GLI2: variants seen among roughly 807,000 people sequenced by gnomAD.
GLI2 encodes transcription activator GLI2.
Under a neutral mutation model 78.9 loss-of-function variants are expected in GLI2, and 22 were observed. The observed-to-expected ratio is 0.28, with a 90% CI of 0.20 to 0.40. The LOEUF is 0.40. Ranked by LOEUF, GLI2 falls within the 10% of genes least tolerant of loss-of-function variation. The pLI, the probability that GLI2 is intolerant of heterozygous loss-of-function variation, is 1.00. For missense variants in GLI2, 2,097 were observed against 2,213.2 expected (o/e 0.95, Z 1.05); for synonymous variants, 974 against 963.7 (o/e 1.01, Z -0.20).
In GLI2 at chr2:120,968,743, C is replaced by G. The variant is rs765114744; in HGVS notation, c.673C>G (p.Pro225Ala). ...VSRFSSPRVT[P>A]RLSRKRALSI... ...CCGTTTCTCCAGCCCGCGGGTGACG[C>G]CCCGCCTGAGCCGCAAGCGGGCGCT... is the stretch of plus-strand genomic sequence containing the variant. Residue 225 changes from proline to alanine, a missense_variant, in exon 6 of 14, where the codon CCC becomes GCC. By Grantham distance (27) the Pro-to-Ala change is conservative (BLOSUM62 -1). Transcript: ENST00000361492. The G allele has an allele frequency of 2.5e-6, 4 of 1,613,576 alleles. No individual in the cohort carries two copies. In the Admixed American group the frequency reaches 6.7e-5, roughly 27 times the overall value.
chr2:120,986,006 G>C (rs754904614), intron 12 of GLI2, among the ~76,000 whole-genome samples: 1 of 152,238 alleles, frequency 6.6e-6, no homozygotes, highest in African/African-American at 2.4e-5. Context: ...TGCACGCTGC[G>C]TGCTGTCCAC....
chr2:120,951,496 C>A, intron 4 of GLI2, 51 bp downstream of exon 4: 1 of 1,187,856 alleles, frequency 8.4e-7, no homozygotes, highest in Non-Finnish European at 1.2e-6. Context: ...TGGGGCAGGG[C>A]GCAGCCAGCC....
intron 1 of GLI2, among the ~76,000 whole-genome samples, chr2:120,793,849 G>A (rs906827088): frequency 2.0e-5 from 3 of 152,168 alleles, no homozygotes; most frequent in Non-Finnish European, 4.4e-5. Context: ...ATTTTGGCTG[G>A]AGGATCTGAC....
At position 120,812,869 on chromosome 2, in the gene GLI2, A is replaced by G. The variant is rs535086229; in HGVS notation, c.148+15401A>G. Among the ~76,000 whole-genome samples the G allele has an allele frequency of 5.9e-5, 9 of 152,176 alleles. No individual in the cohort carries two copies. The South Asian group carries it at 1.7e-3, about 28-fold the overall frequency. ...GTGTGAGCTCTGTTCTCCCTCTTCC[A>G]CATGGGGGATGCTTCACAGCAGTGA... On this transcript the variant is annotated intron_variant, in intron 2 of 13. Transcript: ENST00000361492.
intron 1 of GLI2, among the ~76,000 whole-genome samples, chr2:120,754,522 A>T (rs983816362): frequency 4.6e-5 from 7 of 151,916 alleles, no homozygotes; most frequent in African/African-American, 1.7e-4. Flanking sequence ...ACCATACAGG[A>T]TGTCCTCATT....
intron 12 of GLI2, among the ~76,000 whole-genome samples, 155 bp from the exon 13 acceptor site, chr2:120,986,123 T>C (rs1682958172): frequency 6.6e-6 from 1 of 152,244 alleles, no homozygotes; most frequent in South Asian, 2.1e-4. Context: ...AACAGACTCA[T>C]GACGCTTTAC....
intron 9 of GLI2, among the ~76,000 whole-genome samples, chr2:120,976,816 C>CTCTG (rs1230344376): frequency 6.6e-6 from 1 of 152,342 alleles, no homozygotes; most frequent in Admixed American, 6.5e-5. Flanking sequence ...CTTCACCCAG[C>CTCTG]TCTGTCTGTC....
chr2:120,921,697 T>G (rs1374894110), intron 2 of GLI2, among the ~76,000 whole-genome samples: 1 of 152,180 alleles, frequency 6.6e-6, no homozygotes, highest in Admixed American at 6.5e-5. Context: ...TGGACCCTCC[T>G]TGTACAGCAT....
At chr2:120,960,721 GCTAGAGAGGCCT>G (rs971469182) in intron 5 of GLI2, among the ~76,000 whole-genome samples, 46 of 152,344 alleles carry the variant, frequency 3.0e-4, no homozygotes, top group African/African-American at 1.1e-3. Context: ...AAGGCCAGAA[GCTAGAGAGGCCT>G]CTACGGGGCT....
intron 2 of GLI2, among the ~76,000 whole-genome samples, chr2:120,846,429 C>A (rs1221869759): frequency 1.3e-5 from 2 of 152,234 alleles, no homozygotes; most frequent in Non-Finnish European, 1.5e-5. Context: ...AGAGCAAGCT[C>A]TCTAAGGGGG....
At chr2:120,868,396 T>C (rs934201087) in intron 2 of GLI2, among the ~76,000 whole-genome samples, 3 of 152,252 alleles carry the variant, frequency 2.0e-5, no homozygotes, top group Non-Finnish European at 2.9e-5. Flanking sequence ...TATTTCATCG[T>C]CTTTTTTCTT....
intron 2 of GLI2, among the ~76,000 whole-genome samples, chr2:120,862,339 C>T (rs1429731639): frequency 6.6e-6 from 1 of 152,178 alleles, no homozygotes; most frequent in African/African-American, 2.4e-5. Flanking sequence ...GTTCGCCCAC[C>T]CCTCCGCCAG....
chr2:120,947,511 A>T (rs781229909), intron 3 of GLI2, among the ~76,000 whole-genome samples: 1 of 152,160 alleles, frequency 6.6e-6, no homozygotes, highest in Non-Finnish European at 1.5e-5. Context: ...GGCTTCCTGG[A>T]GGAAGTGTCT....
intron 1 of GLI2, among the ~76,000 whole-genome samples, chr2:120,777,723 G>T (rs1445696585): frequency 6.6e-6 from 1 of 150,566 alleles, no homozygotes; most frequent in Non-Finnish European, 1.5e-5. Context: ...AGAGCCTAGT[G>T]TGGTCAGAGT....
chr2:120,874,725 C>T (rs1688646854), intron 2 of GLI2, among the ~76,000 whole-genome samples: 1 of 152,222 alleles, frequency 6.6e-6, no homozygotes, highest in African/African-American at 2.4e-5. Context: ...AAAGACGCCT[C>T]GGCAGCATGC....
At position 120,992,007 on chromosome 2, in the gene GLI2, T is replaced by TACACACACACACACACACAC; in HGVS notation, c.*1357_*1376dup. On this transcript the variant is annotated 3_prime_UTR_variant, in exon 14 of 14. Coordinates refer to ENST00000361492, the MANE Select transcript of GLI2 (RefSeq NM_001374353.1). ...GTGAATTGGTGCATCTTCCCCACCA[T>TACACACACACACACACACAC]ACACACACACACACACACACACACA... The TACACACACACACACACACAC allele has an allele frequency of 7.7e-6, 1 of 130,152 alleles. No homozygotes were observed. The highest frequency in any genetic ancestry group is 2.4e-4 in the East Asian group (1 of 4,206). The allele number at this position is 130,152 out of a possible 1,614,324, so 8.1% of individuals were successfully genotyped here.
chr2:120,941,224 C>T (rs1299658129), intron 3 of GLI2, among the ~76,000 whole-genome samples: 1 of 152,222 alleles, frequency 6.6e-6, no homozygotes, highest in Non-Finnish European at 1.5e-5. Flanking sequence ...GACAGTTCTC[C>T]ATTGTTTTCC....
chr2:120,975,229 C>CATCT, intron 9 of GLI2, 120 bp downstream of exon 9: 1 of 909,076 alleles, frequency 1.1e-6, no homozygotes, highest in Non-Finnish European at 1.7e-6. Context: ...CCCAGAGATG[C>CATCT]CTGGGCCACA....
At chr2:120,852,440 C>G (rs1687451357) in intron 2 of GLI2, among the ~76,000 whole-genome samples, 1 of 152,152 alleles carries the variant, frequency 6.6e-6, no homozygotes, top group Admixed American at 6.5e-5. Flanking sequence ...GCCAGGGGGA[C>G]AGCTGGCTTT....
Sources: gnomAD v4.1 joint callset for allele counts (sites outside exome capture counted in the v4.1 genomes callset) on GRCh38, gnomAD v4.1.1 for gene constraint, MANE v1.5 for transcripts, NCBI Gene and HGNC (gene_info 2026-07-23, HGNC 2026-07-21) for gene names.